Variants in CCNL2 observed in about 807,000 individuals in gnomAD.
The protein encoded by CCNL2 is cyclin L2.
Under a neutral mutation model 59.1 loss-of-function variants are expected in CCNL2, and 28 were observed. The observed-to-expected ratio is 0.47, with a 90% CI of 0.35 to 0.65. The LOEUF is 0.65. Among genes scored for constraint, CCNL2 ranks in the 30% least tolerant of loss-of-function variants. The probability of loss-of-function intolerance (pLI) is 0.00; values close to 1 mark genes in which losing one functional copy is unlikely to be tolerated. For synonymous variants in CCNL2, 342 were observed against 288.6 expected (o/e 1.19, Z -1.88); for missense variants, 714 against 717.4 (o/e 1.00, Z 0.05).
At chr1:1,393,568 G>A (rs955116574) in intron 4 of CCNL2, 108 bp from the exon 5 acceptor site, 1 of 958,382 alleles carries the variant, frequency 1.0e-6, no homozygotes, top group East Asian at 2.4e-5. Flanking sequence ...GATCCCAGGA[G>A]TGGCTCCTGG....
rs1570035585 is a variant in CCNL2 at position 1,398,821 on chromosome 1, G to A, written c.289-150C>T. The A allele has an allele frequency of 3.9e-6, 5 of 1,270,672 alleles. No homozygotes were observed. In the East Asian group the frequency reaches 9.8e-5, roughly 25 times the overall value. The allele number at this position is 1,270,672 out of a possible 1,614,324, so 78.7% of individuals were successfully genotyped here. A position where few individuals can be genotyped will look rare whatever the true frequency, so the allele number is the denominator to read the frequency against. ...AAGGCTCTTCGCGTCCCGCCGTCTC[G>A]GGATCCAGCGCACTGGCGGGCGGGG... On this transcript the variant is annotated intron_variant, in intron 1 of 10. Transcript: ENST00000400809.
At chr1:1,391,618 A>C in intron 5 of CCNL2, 1 of 1,163,776 alleles carries the variant, frequency 8.6e-7, no homozygotes, top group South Asian at 1.3e-5. Flanking sequence ...CACAATACTG[A>C]GAAGCAACAT....
At chr1:1,398,444 C>T (rs1645171940) in intron 2 of CCNL2, 102 bp from the exon 3 acceptor site, 8 of 1,575,612 alleles carry the variant, frequency 5.1e-6, no homozygotes, top group South Asian at 1.2e-5. Flanking sequence ...GGGAGGTGCA[C>T]CCAGGGGAAA....
At chr1:1,391,791 A>G (rs1411185768) in intron 5 of CCNL2, 1 of 333,242 alleles carries the variant, frequency 3.0e-6, no homozygotes, top group Non-Finnish European at 5.9e-6. Flanking sequence ...AAGATTTAAT[A>G]GACTAAAACC....
intron 8 of CCNL2, 119 bp downstream of exon 8, chr1:1,390,100 AGAGACCCTGTC>A (rs1413982153): frequency 1.1e-6 from 1 of 871,924 alleles, no homozygotes; most frequent in African/African-American, 1.7e-5. Context: ...CCTGGGTGAC[AGAGACCCTGTC>A]TCAAAAAAAA....
rs2100362352 is a variant in CCNL2 at position 1,398,158 on chromosome 1, A to G, written c.473+75T>C. On this transcript the variant is annotated intron_variant, in intron 3 of 10. Transcript: ENST00000400809. ...GCCTCAGGCCTGTATTGTGTTATAC[A>G]AGCCTTACTGTAACTTAATCAGAAA... 4.2e-6 allele frequency: 6 copies of G among 1,414,056 alleles called. No individual in the cohort carries two copies. In the South Asian group the frequency reaches 4.7e-5, roughly 11 times the overall value. 87.6% of individuals were successfully genotyped at this position (1,414,056 alleles called of 1,614,324 possible). A position where few individuals can be genotyped will look rare whatever the true frequency, so the allele number is the denominator to read the frequency against.
intron 5 of CCNL2, chr1:1,392,680 ACCAGTCTAGAG>A: frequency 6.4e-7 from 1 of 1,551,254 alleles, no homozygotes; most frequent in Non-Finnish European, 8.7e-7. Flanking sequence ...TGTGCGTACC[ACCAGTCTAGAG>A]CCAGCCTTCG....
chr1:1,393,994 T>C (rs942214176), intron 4 of CCNL2, among the ~76,000 whole-genome samples: 3 of 151,922 alleles, frequency 2.0e-5, no homozygotes, highest in Admixed American at 2.0e-4. Flanking sequence ...GGCATGGTGG[T>C]GCACGCCTGT....
At position 1,390,502 on chromosome 1, in the gene CCNL2, T is replaced by C; in HGVS notation, c.821A>G (p.Gln274Arg). 1 of 1,613,898 alleles carries C rather than the reference T, an allele frequency of 6.2e-7. No homozygotes were observed. The highest frequency in any genetic ancestry group is 1.3e-5 in the African/African-American group (1 of 75,066). ...LLFGATEEEI[Q>R]EICLKILQLY... ...CTGCAAGATCTTTAAGCAGATTTCC[T>C]GAATTTCTTCTTCAGTTGCTCCAAA... Residue 274 changes from glutamine (Q) to arginine (R), a missense_variant, in exon 7 of 11, where the codon CAG (glutamine) becomes CGG (arginine). By Grantham distance (43) the Gln-to-Arg change is conservative. Around this residue, in one of 5 missense-constraint regions of CCNL2, gnomAD observed 403 missense variants for 377.7 expected, o/e 1.07. Transcript: ENST00000400809.
rs756236566 is a variant in CCNL2 at position 1,399,219 on chromosome 1, A to G, written c.88T>C (p.Ser30Pro). ...CCGATCAGCACCCCCTGCGACCCTG[A>G]GGGTGCGCCCCCAGATCCCGGGGCG... ...AGAPGSGGAP[S>P]GSQGVLIGDR... is the part of the protein sequence containing the mutation. The change falls in exon 1 of 11, where the codon TCA (serine) becomes CCA (proline). Residue 30 changes from serine (S) to proline (P), a missense_variant. This residue lies in a region of CCNL2 where 270 missense variants were observed against 254.9 expected (regional missense o/e 1.06). Transcript: ENST00000400809. The G allele has an allele frequency of 6.2e-7, 1 of 1,601,968 alleles. No homozygotes were observed. The highest frequency in any genetic ancestry group is 1.7e-5 in the Admixed American group (1 of 59,274).
rs537042894 is a variant in CCNL2 at position 1,398,932 on chromosome 1, G to A, written c.288+87C>T. ...GGGGCTGGGGTCGGGGTCTAGGCGGGGGCGGTGCGGGCCCGACTCGCCGCC... is the reference window on the plus strand; with the variant it reads ...GGGGCTGGGGTCGGGGTCTAGGCGGAGGCGGTGCGGGCCCGACTCGCCGCC... On this transcript the variant is annotated intron_variant, in intron 1 of 10. Coordinates refer to ENST00000400809, the MANE Select transcript of CCNL2 (RefSeq NM_030937.6). 149 of 1,462,224 alleles carry A rather than the reference G, an allele frequency of 1.0e-4. 2 individuals are homozygous for A. The South Asian group carries it at 2.0e-3, about 20-fold the overall frequency. The allele number at this position is 1,462,224 out of a possible 1,614,324, so 90.6% of individuals were successfully genotyped here.
intron 3 of CCNL2, 141 bp from the exon 4 acceptor site, chr1:1,395,655 C>T: frequency 8.5e-7 from 1 of 1,178,806 alleles, no homozygotes; most frequent in East Asian, 2.4e-5. Flanking sequence ...CTCTGATGAA[C>T]AAAACTGCAC....
chr1:1,387,295 G>A lies in CCNL2; in HGVS notation c.1499C>T (p.Ser500Leu), dbSNP rs778260594. Residue 500 changes from serine (S) to leucine (L), a missense_variant, in exon 11 of 11, where the codon TCG becomes TTG. This residue lies in a region of CCNL2 where 403 missense variants were observed against 377.7 expected (regional missense o/e 1.07). Coordinates refer to ENST00000400809, the MANE Select transcript of CCNL2 (RefSeq NM_030937.6). ...YRDQRRERSRSYERTGRRYER... is the reference protein window; with the variant it reads ...YRDQRRERSRLYERTGRRYER... The stretch of plus-strand genomic sequence containing the variant: ...ATAGCGACGGCCTGTGCGTTCATAC[G>A]ACCTCGAGCGCTCTCGTCGCTGATC... 7.4e-6 allele frequency: 12 copies of A among 1,613,376 alleles called. No individual in the cohort carries two copies. Among genetic ancestry groups the A allele is most frequent in the African/African-American group, 2.7e-5 (2 of 75,068 alleles).
intron 4 of CCNL2, among the ~76,000 whole-genome samples, chr1:1,394,264 G>A (rs1277689736): frequency 6.6e-6 from 1 of 152,016 alleles, no homozygotes; most frequent in Non-Finnish European, 1.5e-5. Flanking sequence ...AATTTTTTGG[G>A]AAAACAAGTG....
At chr1:1,396,911 G>C (rs1316079567) in intron 3 of CCNL2, among the ~76,000 whole-genome samples, 1 of 152,036 alleles carries the variant, frequency 6.6e-6, no homozygotes, top group Middle Eastern at 3.2e-3. Context: ...ACCACGCCTG[G>C]CTAACTTTTT....
intron 5 of CCNL2, 122 bp downstream of exon 5, chr1:1,393,274 A>G (rs868665954): frequency 9.0e-6 from 7 of 779,650 alleles, no homozygotes; most frequent in Middle Eastern, 3.1e-4. Flanking sequence ...AGCACTGGGC[A>G]CTCGGACAAC....
chr1:1,394,211 G>A (rs184763858), intron 4 of CCNL2, among the ~76,000 whole-genome samples: 13 of 152,000 alleles, frequency 8.6e-5, no homozygotes, highest in East Asian at 1.9e-4. Context: ...AAGCAGATGA[G>A]GAAACCCACC....
At chr1:1,392,302 T>G in intron 5 of CCNL2, 6 of 972,214 alleles carry the variant, frequency 6.2e-6, no homozygotes, top group Non-Finnish European at 7.4e-6. Flanking sequence ...ATAAACTTAT[T>G]GCTGTATTTG....
intron 1 of CCNL2, 63 bp downstream of exon 1, chr1:1,398,956 C>A (rs754193602): frequency 3.3e-6 from 5 of 1,497,574 alleles, no homozygotes; most frequent in Non-Finnish European, 4.4e-6. Context: ...CGACTCGCCG[C>A]CAACAAAGGC....
Sources: allele counts gnomAD v4.1 joint callset (sites outside exome capture counted in the v4.1 genomes callset), GRCh38; gene constraint gnomAD v4.1.1; regional missense constraint gnomAD v4.1.1; transcripts MANE v1.5; gene names NCBI Gene and HGNC (gene_info 2026-07-23, HGNC 2026-07-21).